NMRAL1: variants seen among roughly 807,000 people sequenced by gnomAD.
NMRAL1 encodes the protein nmrA-like family domain-containing protein 1.
Under a neutral mutation model 27.5 loss-of-function variants are expected in NMRAL1, and 32 were observed. The observed-to-expected ratio is 1.16, with a 90% CI of 0.88 to 1.56. The LOEUF (loss-of-function observed/expected upper bound fraction) is 1.56. Among genes scored for constraint, NMRAL1 ranks in the 40% most tolerant of loss-of-function variants. The pLI is 0.00. For synonymous variants in NMRAL1, 166 were observed against 166.8 expected (o/e 1.00, Z 0.04); for missense variants, 420 against 392.0 (o/e 1.07, Z -0.60).
chr16:4,462,737 G>A (rs2057154580), intron 5 of NMRAL1, among the ~76,000 whole-genome samples: 1 of 152,040 alleles, frequency 6.6e-6, no homozygotes. Context: ...TGTTAGTCAG[G>A]ATGGTCTCGA....
At chr16:4,471,139 A>G (rs1334577911) in intron 2 of NMRAL1, among the ~76,000 whole-genome samples, 1 of 152,076 alleles carries the variant, frequency 6.6e-6, no homozygotes, top group Non-Finnish European at 1.5e-5. Flanking sequence ...TCAGATCTTG[A>G]TGGGATTTGA....
chr16:4,465,552 TTTG>T (rs1302774445), intron 4 of NMRAL1, among the ~76,000 whole-genome samples: 1 of 150,802 alleles, frequency 6.6e-6, no homozygotes, highest in Non-Finnish European at 1.5e-5. Flanking sequence ...CTTTGGTTTT[TTTG>T]TTTTGTTTTG....
intron 4 of NMRAL1, among the ~76,000 whole-genome samples, 180 bp downstream of exon 4, chr16:4,465,973 C>T (rs556233863): frequency 6.6e-6 from 1 of 152,178 alleles, no homozygotes; most frequent in Non-Finnish European, 1.5e-5. Context: ...GTATAGAGCC[C>T]ATCTCACAGA....
chr16:4,469,248 G>A lies in NMRAL1; in HGVS notation c.258C>T (p.Ser86=). 1.2e-6 allele frequency: 2 copies of A among 1,613,696 alleles called. No homozygotes were observed. The highest frequency in any genetic ancestry group is 1.7e-6 in the Non-Finnish European group (2 of 1,179,780). The change falls in exon 3 of 6, where the codon AGC becomes AGT. Residue 86 remains serine, a synonymous_variant. Transcript: ENST00000283429. ...FIVTNYWESC[S]QEQEVKQGKL... is the part of the protein sequence containing the mutation. ...TCACCTGCTTGACCTCCTGCTCCTG[G>A]CTGCAGCTCTCCCAGTAATTGGTCA...
At position 4,469,378 on chromosome 16, in the gene NMRAL1, G is replaced by A. The variant is rs370838589; in HGVS notation, c.128C>T (p.Ala43Val). The A allele has an allele frequency of 6.8e-6, 11 of 1,613,990 alleles. No homozygotes were observed. The highest frequency in any genetic ancestry group is 8.5e-6 in the Non-Finnish European group (10 of 1,180,016). ...ACCTTGCAGCCTCAGCTCCTTTGCT[G>A]CCTTCTTCCTAGGGTTTCGGGTCAC... The part of the protein sequence containing the change: ...RVVTRNPRKK[A>V]AKELRLQGAE... Residue 43 changes from alanine to valine, a missense_variant, in exon 3 of 6, where the codon GCA (alanine) becomes GTA (valine). Ala to Val is a moderately conservative substitution (Grantham distance 64). Coordinates refer to ENST00000283429, the MANE Select transcript of NMRAL1 (RefSeq NM_020677.6).
chr16:4,470,008 C>G (rs2057493248), intron 2 of NMRAL1, among the ~76,000 whole-genome samples: 1 of 149,676 alleles, frequency 6.7e-6, no homozygotes, highest in Non-Finnish European at 1.5e-5. Context: ...GCTAAAAATA[C>G]AAACTTAGCC....
intron 1 of NMRAL1, 57 bp from the exon 2 acceptor site, chr16:4,474,223 G>C: frequency 7.8e-7 from 1 of 1,290,066 alleles, no homozygotes; most frequent in Non-Finnish European, 1.1e-6. Context: ...CGCCAGGAGC[G>C]ACAAAGGACA....
chr16:4,469,559 A>G, intron 2 of NMRAL1, 94 bp from the exon 3 acceptor site: 1 of 1,560,634 alleles, frequency 6.4e-7, no homozygotes, highest in Non-Finnish European at 8.7e-7. Flanking sequence ...CACAGCAAGG[A>G]GCATCCAGGA....
intron 5 of NMRAL1, 119 bp from the exon 6 acceptor site, chr16:4,462,078 C>G: frequency 1.3e-6 from 1 of 796,000 alleles, no homozygotes; most frequent in Non-Finnish European, 2.0e-6. Context: ...ACTATTGTCT[C>G]GGTCCCTGAC....
In NMRAL1 at chr16:4,463,819, G is replaced by C. The variant is rs761264438; in HGVS notation, c.561C>G (p.Gly187=). 6 of 1,613,822 alleles carry C rather than the reference G, an allele frequency of 3.7e-6. No homozygotes were observed. The Admixed American group carries it at 1.0e-4, about 27-fold the overall frequency. Residue 187 remains glycine (G), a synonymous_variant, in exon 5 of 6, where the codon GGC becomes GGG. Coordinates refer to ENST00000283429, the MANE Select transcript of NMRAL1 (RefSeq NM_020677.6). The part of the protein sequence containing the change: ...SLPTGDVPMD[G]MSVSDLGPVV... ...CAGGACCCAGGTCAGACACGGACAT[G>C]CCATCCATGGGAACGTCACCTGTGG... is the stretch of plus-strand genomic sequence containing the variant.
At chr16:4,474,026 A>T in intron 2 of NMRAL1, 67 bp downstream of exon 2, 1 of 1,309,382 alleles carries the variant, frequency 7.6e-7, no homozygotes. Flanking sequence ...TGCAGACCCC[A>T]GGACGGGCGG....
At position 4,474,539 on chromosome 16, in the gene NMRAL1, C is replaced by A. The variant is rs939419732; in HGVS notation, c.-35+15G>T. On this transcript the variant is annotated intron_variant, in intron 1 of 5. Coordinates refer to ENST00000283429, the MANE Select transcript of NMRAL1 (RefSeq NM_020677.6). ...GCGCTAGGCGCCAACTCCCTCCCCGCAGCTCCGGCCCCACCTGGCAGAGCG... is the reference window on the plus strand; with the variant it reads ...GCGCTAGGCGCCAACTCCCTCCCCGAAGCTCCGGCCCCACCTGGCAGAGCG... The A allele has an allele frequency of 1.2e-5, 2 of 165,688 alleles. No homozygotes were observed. The highest frequency in any genetic ancestry group is 4.8e-5 in the African/African-American group (2 of 41,844). 10.3% of individuals were successfully genotyped at this position (165,688 alleles called of 1,614,324 possible).
At chr16:4,470,161 CAAAAAAAAAA>C (rs34104543) in intron 2 of NMRAL1, among the ~76,000 whole-genome samples, 33 of 51,492 alleles carry the variant, frequency 6.4e-4, no homozygotes, top group African/African-American at 1.5e-3. Flanking sequence ...GATTCCCTCT[CAAAAAAAAAA>C]AAAAAAAAAA....
At chr16:4,465,734 T>G (rs2057297173) in intron 4 of NMRAL1, among the ~76,000 whole-genome samples, 1 of 151,870 alleles carries the variant, frequency 6.6e-6, no homozygotes, top group Admixed American at 6.6e-5. Context: ...GCCCAGCTAA[T>G]TTTTGTATTT....
intron 2 of NMRAL1, among the ~76,000 whole-genome samples, chr16:4,473,227 C>A (rs572723220): frequency 2.0e-5 from 3 of 152,182 alleles, no homozygotes; most frequent in African/African-American, 7.2e-5. Context: ...TTTGGTCCAA[C>A]TAAAGTGCTG....
chr16:4,462,189 T>C (rs1034505417), intron 5 of NMRAL1, among the ~76,000 whole-genome samples: 3 of 152,162 alleles, frequency 2.0e-5, no homozygotes, highest in African/African-American at 4.8e-5. Context: ...AGTTTAAAGA[T>C]TGTTCTTGGC....
chr16:4,464,943 T>C (rs13330681), intron 4 of NMRAL1, among the ~76,000 whole-genome samples: 4,820 of 150,074 alleles, frequency 0.032, 263 homozygotes, highest in African/African-American at 0.11. Context: ...GGTCTTGCTC[T>C]GTCACCCAGG....
At chr16:4,470,993 G>C (rs976148485) in intron 2 of NMRAL1, among the ~76,000 whole-genome samples, 2 of 151,554 alleles carry the variant, frequency 1.3e-5, no homozygotes, top group Non-Finnish European at 2.9e-5. Context: ...TGTAATCCCA[G>C]CTACTTGGGA....
intron 2 of NMRAL1, 134 bp from the exon 3 acceptor site, chr16:4,469,599 T>C (rs755982179): frequency 2.0e-6 from 3 of 1,502,650 alleles, no homozygotes; most frequent in Non-Finnish European, 2.7e-6. Context: ...CTCATTCAGG[T>C]ATTTTTATTT....
Sources: allele counts gnomAD v4.1 joint callset (sites outside exome capture counted in the v4.1 genomes callset), GRCh38; gene constraint gnomAD v4.1.1; transcripts MANE v1.5; gene names NCBI Gene and HGNC (gene_info 2026-07-23, HGNC 2026-07-21).